The following COL24A1 variants were observed in gnomAD, a reference collection of about 807,000 sequenced individuals.
COL24A1 encodes collagen type XXIV alpha 1 chain.
Under a neutral mutation model 253.9 loss-of-function variants are expected in COL24A1, and 224 were observed. That is an observed-to-expected ratio of 0.88 (90% CI 0.79 to 0.99). The LOEUF is 0.99. COL24A1 is among the 50% of genes least tolerant of loss of function. The pLI is 0.00. For synonymous variants in COL24A1, 685 were observed against 673.7 expected (o/e 1.02, Z -0.26); for missense variants, 2,131 against 2,068.5 (o/e 1.03, Z -0.59).
chr1:86,025,071 T>C (rs1697897160), intron 14 of COL24A1, among the ~76,000 whole-genome samples: 1 of 152,130 alleles, frequency 6.6e-6, no homozygotes, highest in East Asian at 1.9e-4. Flanking sequence ...TAAAATTGAA[T>C]ACTATGGAAT....
Position 85,730,491 on chromosome 1 carries a change from C to T in COL24A1, c.*55G>A, listed in dbSNP as rs1199290311. ...GACTGTATCTGTCTGTCTTATTTCT[C>T]CCTCTGCAGCAATTACCTGGCCAAC... On this transcript the variant is annotated 3_prime_UTR_variant, in exon 60 of 60. Coordinates refer to ENST00000370571, the MANE Select transcript of COL24A1 (RefSeq NM_152890.7). 3.2e-6 allele frequency: 5 copies of T among 1,582,094 alleles called. No individual in the cohort carries two copies. Among genetic ancestry groups the T allele is most frequent in the Non-Finnish European group, 3.5e-6 (4 of 1,155,810 alleles).
intron 28 of COL24A1, among the ~76,000 whole-genome samples, chr1:85,897,201 T>C (rs1484859376): frequency 2.6e-5 from 4 of 152,084 alleles, no homozygotes; most frequent in African/African-American, 9.7e-5. Context: ...AGCTGAATGA[T>C]GATAACACAT....
chr1:85,909,430 A>G (rs1685158902), intron 26 of COL24A1, among the ~76,000 whole-genome samples: 1 of 151,746 alleles, frequency 6.6e-6, no homozygotes, highest in South Asian at 2.1e-4. Context: ...AGTTAAAAAG[A>G]TGTAACCCAA....
intron 43 of COL24A1, among the ~76,000 whole-genome samples, chr1:85,832,533 C>T (rs1422503479): frequency 1.9e-4 from 28 of 150,664 alleles, no homozygotes; most frequent in African/African-American, 5.6e-4. Context: ...GCCATTTTCA[C>T]GATATTGATT....
In COL24A1 at chr1:85,852,784, T is replaced by C. The variant is rs536199357; in HGVS notation, c.3301-3378A>G. Among the ~76,000 whole-genome samples, 3 of 152,316 alleles carry C rather than the reference T, an allele frequency of 2.0e-5. No individual in the cohort carries two copies. The East Asian group carries it at 5.8e-4, about 29-fold the overall frequency. ...AAAATATCTAACTGCTCATTGCTGG[T>C]GAAAAAGAATGGAACCTATTTTTGT... On this transcript the variant is annotated intron_variant, in intron 37 of 59. Transcript: ENST00000370571.
chr1:85,781,110 A>T (rs910977891), intron 52 of COL24A1, 110 bp downstream of exon 52: 1 of 760,810 alleles, frequency 1.3e-6, no homozygotes, highest in African/African-American at 1.8e-5. Context: ...ATGTATATCT[A>T]TTTTTTCCAT....
At chr1:85,942,017 T>C (rs1168096072) in intron 24 of COL24A1, among the ~76,000 whole-genome samples, 1 of 152,136 alleles carries the variant, frequency 6.6e-6, no homozygotes, top group Non-Finnish European at 1.5e-5. Context: ...TCCCACAGTG[T>C]ACTTAAACAT....
chr1:85,780,574 C>T (rs1669043536), intron 52 of COL24A1, among the ~76,000 whole-genome samples: 1 of 152,142 alleles, frequency 6.6e-6, no homozygotes, highest in Non-Finnish European at 1.5e-5. Context: ...TGAAGAAACA[C>T]CAGCTATGTA....
In COL24A1 at chr1:85,875,716, G is replaced by GACACACAC. The variant is rs141827930; in HGVS notation, c.3031-394_3031-387dup. On this transcript the variant is annotated intron_variant, in intron 33 of 59. Transcript: ENST00000370571. ...AGATAAATTTATTCACATTATAAAAGACACACACACACACACACACACACA... is the reference window on the plus strand; with the variant it reads ...AGATAAATTTATTCACATTATAAAAGACACACACACACACACACACACACACACACACA... 6.5e-3 allele frequency among the ~76,000 whole-genome samples: 922 copies of GACACACAC among 141,082 alleles called. 9 individuals carry two copies. The highest frequency in any genetic ancestry group is 7.2e-3 in the Non-Finnish European group (468 of 65,248). The allele number at this position is 141,082 out of a possible 152,430, so 92.6% of individuals were successfully genotyped here.
At chr1:85,786,748 G>A (rs1669726242) in intron 47 of COL24A1, among the ~76,000 whole-genome samples, 1 of 152,148 alleles carries the variant, frequency 6.6e-6, no homozygotes, top group South Asian at 2.1e-4. Context: ...TAAAGCCTAG[G>A]TGTGAAGTAT....
At chr1:85,837,026 G>C (rs1347336916) in intron 43 of COL24A1, among the ~76,000 whole-genome samples, 1 of 152,140 alleles carries the variant, frequency 6.6e-6, no homozygotes, top group Non-Finnish European at 1.5e-5. Context: ...GATATTGCAG[G>C]AATCTGGTTT....
rs568670138 is a variant in COL24A1 at position 86,055,157 on chromosome 1, A to G, written c.1851+2774T>C. 2.0e-5 allele frequency among the ~76,000 whole-genome samples: 3 copies of G among 152,322 alleles called. No individual in the cohort carries two copies. In the East Asian group the frequency reaches 5.8e-4, roughly 29 times the overall value. On this transcript the variant is annotated intron_variant, in intron 10 of 59. Coordinates refer to ENST00000370571, the MANE Select transcript of COL24A1 (RefSeq NM_152890.7). The stretch of plus-strand genomic sequence containing the variant: ...AGATTCCCTAAGGAGGGAGGGCCAG[A>G]AAAAGGCAAGGGTTGAAAAACTACC...
intron 1 of COL24A1, chr1:86,154,898 G>C (rs759000414): frequency 5.2e-5 from 8 of 152,430 alleles, no homozygotes. Flanking sequence ...ATCCGCCCCT[G>C]ATCAGCGGGA....
chr1:85,865,145 C>G (rs928504446), intron 37 of COL24A1, among the ~76,000 whole-genome samples: 1 of 138,654 alleles, frequency 7.2e-6, no homozygotes, highest in Non-Finnish European at 1.6e-5. Flanking sequence ...GTAAGGAGAT[C>G]TTTTCTTTTC....
rs751824925 is a variant in COL24A1 at position 85,842,339 on chromosome 1, C to A, written c.3516+1G>T. ...ATATTTTTTCAATTATAAATACTTA[C>A]CCTGTACCCTGGAATTCCTGGTTCT... is the stretch of plus-strand genomic sequence containing the variant. On this transcript the variant is annotated splice_donor_variant, in intron 40 of 59. Coordinates refer to ENST00000370571, the MANE Select transcript of COL24A1 (RefSeq NM_152890.7). LOFTEE classifies it high-confidence loss of function. The A allele has an allele frequency of 2.5e-6, 4 of 1,591,338 alleles. No homozygotes were observed. The East Asian group carries it at 8.9e-5, about 36-fold the overall frequency.
intron 19 of COL24A1, among the ~76,000 whole-genome samples, chr1:85,992,141 C>T (rs1180709434): frequency 6.6e-6 from 1 of 151,356 alleles, no homozygotes; most frequent in African/African-American, 2.4e-5. Context: ...TCTCATTGTT[C>T]AATTCCCACC....
At chr1:85,848,907 T>C (rs1263422039) in intron 38 of COL24A1, among the ~76,000 whole-genome samples, 3 of 152,160 alleles carry the variant, frequency 2.0e-5, no homozygotes, top group Admixed American at 6.5e-5. Context: ...CAAATAAAAA[T>C]ATTCTTGATT....
chr1:85,860,987 T>C (rs958268733), intron 37 of COL24A1, among the ~76,000 whole-genome samples: 1 of 152,230 alleles, frequency 6.6e-6, no homozygotes, highest in African/African-American at 2.4e-5. Flanking sequence ...CAAGCTTTTG[T>C]TTAAATGCAA....
intron 5 of COL24A1, among the ~76,000 whole-genome samples, chr1:86,094,277 G>A (rs1009343044): frequency 2.0e-5 from 3 of 151,962 alleles, no homozygotes; most frequent in African/African-American, 7.3e-5. Flanking sequence ...AAGAAAATGT[G>A]GTACTGTATA....
Sources: gnomAD v4.1 joint callset for allele counts (sites outside exome capture counted in the v4.1 genomes callset) on GRCh38, gnomAD v4.1.1 for gene constraint, MANE v1.5 for transcripts, NCBI Gene and HGNC (gene_info 2026-07-23, HGNC 2026-07-21) for gene names.